Variants in KLF12 observed in about 807,000 individuals in gnomAD.
The protein encoded by KLF12 is KLF transcription factor 12, also known as Krueppel-like factor 12.
KLF12 carries 9 observed loss-of-function variants against 37.8 expected under a neutral mutation model. The ratio of observed to expected loss-of-function variants is 0.24; its 90% CI spans 0.14 to 0.42. The LOEUF is 0.42. KLF12 is among the 10% of genes least tolerant of loss of function. The pLI, the probability that KLF12 is intolerant of heterozygous loss-of-function variation, is 1.00. For synonymous variants in KLF12, 208 were observed against 202.1 expected, an observed-to-expected ratio of 1.03 and a Z score of -0.25; for missense variants, 411 against 516.0, an observed-to-expected ratio of 0.80 and a Z score of 1.97.
chr13:73,728,754 C>T (rs1876848447), intron 6 of KLF12, among the ~76,000 whole-genome samples: 1 of 152,168 alleles, frequency 6.6e-6, no homozygotes, highest in African/African-American at 2.4e-5. Flanking sequence ...TGGGGTAAGT[C>T]CCCCTTCTCA....
chr13:74,250,530 T>C, the KLF12 span, among the ~76,000 whole-genome samples: 2 of 152,000 alleles, frequency 1.3e-5, no homozygotes, highest in African/African-American at 4.8e-5. Context: ...GAGGGAATGC[T>C]GGAGGCAGCC....
chr13:73,939,682 C>A lies in KLF12; in HGVS notation c.123+4299G>T, dbSNP rs186884680. Among the ~76,000 whole-genome samples, 21 of 152,162 alleles carry A rather than the reference C, an allele frequency of 1.4e-4. No homozygotes were observed. In the East Asian group the frequency reaches 4.1e-3, roughly 29 times the overall value. ...AAAAGAACACTGACTCAGTACCCACCAAAGGCAGGCAGGCTCCTGTGAAGA... is the reference window on the plus strand; with the variant it reads ...AAAAGAACACTGACTCAGTACCCACAAAAGGCAGGCAGGCTCCTGTGAAGA... On this transcript the variant is annotated intron_variant, in intron 3 of 7. Transcript: ENST00000377669.
chr13:74,070,699 C>G (rs1467037093), intron 1 of KLF12, among the ~76,000 whole-genome samples: 2 of 152,184 alleles, frequency 1.3e-5, no homozygotes, highest in East Asian at 3.9e-4. Context: ...AGATACTAAT[C>G]TATGAGAGTG....
chr13:73,871,274 T>C (rs901782433), intron 3 of KLF12, among the ~76,000 whole-genome samples: 1 of 152,190 alleles, frequency 6.6e-6, no homozygotes, highest in Non-Finnish European at 1.5e-5. Context: ...TTCACAGCTA[T>C]GGTGGCGTGT....
chr13:74,258,775 T>C, the KLF12 span: 1 of 152,300 alleles, frequency 6.6e-6, no homozygotes, highest in African/African-American at 2.4e-5. Context: ...TCCTCAATTT[T>C]CTTAGTAACT....
intron 6 of KLF12, among the ~76,000 whole-genome samples, chr13:73,757,591 G>A (rs1879259664): frequency 6.6e-6 from 1 of 152,136 alleles, no homozygotes; most frequent in Admixed American, 6.5e-5. Flanking sequence ...CTAGAAAGAT[G>A]ACATTGCAAA....
chr13:73,789,389 C>T lies in KLF12; in HGVS notation c.806+23763G>A, dbSNP rs529576336. Among the ~76,000 whole-genome samples the T allele has an allele frequency of 2.4e-4, 36 of 152,136 alleles. No individual in the cohort carries two copies. In the South Asian group the frequency reaches 7.1e-3, roughly 30 times the overall value. Reference sequence around the variant, plus strand: ...TGGGACTTGTTGGGTGTCACAGTAGCGCTAGTCAGAGAGAAATAAGCACCA... The same window carrying T: ...TGGGACTTGTTGGGTGTCACAGTAGTGCTAGTCAGAGAGAAATAAGCACCA... On this transcript the variant is annotated intron_variant, in intron 5 of 7. Transcript: ENST00000377669.
intron 1 of KLF12, among the ~76,000 whole-genome samples, chr13:74,016,840 C>T (rs938496463): frequency 2.0e-5 from 3 of 152,188 alleles, no homozygotes; most frequent in Non-Finnish European, 4.4e-5. Context: ...ATTCACAGTG[C>T]AGATTCCCAA....
intron 6 of KLF12, among the ~76,000 whole-genome samples, chr13:73,763,063 T>C (rs1273961278): frequency 6.6e-6 from 1 of 152,194 alleles, no homozygotes; most frequent in Admixed American, 6.5e-5. Context: ...CAACTCTGCT[T>C]TTCTTACTAA....
chr13:73,723,178 T>G (rs1474899117), intron 6 of KLF12, among the ~76,000 whole-genome samples: 1 of 152,188 alleles, frequency 6.6e-6, no homozygotes, highest in Non-Finnish European at 1.5e-5. Context: ...GAAATTAGAC[T>G]ACAAGTTGAA....
chr13:74,151,514 G>A, the KLF12 span, among the ~76,000 whole-genome samples: 1 of 152,106 alleles, frequency 6.6e-6, no homozygotes, highest in African/African-American at 2.4e-5. Flanking sequence ...TTAGCTGGGT[G>A]TGGTGGTGCA....
At chr13:74,129,657 T>G (rs748568899) in intron 1 of KLF12, among the ~76,000 whole-genome samples, 1 of 144,360 alleles carries the variant, frequency 6.9e-6, no homozygotes, top group African/African-American at 2.6e-5. Context: ...ACCATGAGAG[T>G]AGCAACAAAA....
At chr13:74,114,425 T>A (rs1211899410) in intron 1 of KLF12, among the ~76,000 whole-genome samples, 1 of 152,164 alleles carries the variant, frequency 6.6e-6, no homozygotes, top group African/African-American at 2.4e-5. Flanking sequence ...ATAAACAAAA[T>A]TCTAGTGACT....
At chr13:74,135,027 G>A (rs1008625535), upstream of KLF12, among the ~76,000 whole-genome samples, 1 of 151,538 alleles carries the variant, frequency 6.6e-6, no homozygotes, top group Non-Finnish European at 1.5e-5. Context: ...TCAGGCAGGG[G>A]CAGCCCCGCG....
chr13:74,286,494 G>GA, the KLF12 span, among the ~76,000 whole-genome samples: 2 of 152,134 alleles, frequency 1.3e-5, no homozygotes, highest in African/African-American at 4.8e-5. Flanking sequence ...GTAATTGTTA[G>GA]AAAAAATTTT....
chr13:73,923,478 C>A (rs113709206), intron 3 of KLF12, among the ~76,000 whole-genome samples: 22 of 152,182 alleles, frequency 1.4e-4, no homozygotes, highest in African/African-American at 5.1e-4. Context: ...CTAAAAATTT[C>A]TCAGACGTCT....
chr13:73,721,511 T>C (rs1876253745), intron 6 of KLF12, among the ~76,000 whole-genome samples: 1 of 152,200 alleles, frequency 6.6e-6, no homozygotes, highest in South Asian at 2.1e-4. Flanking sequence ...TCAGTACACT[T>C]ACTATTAATC....
intron 6 of KLF12, among the ~76,000 whole-genome samples, chr13:73,759,340 G>T (rs1436069461): frequency 1.3e-5 from 2 of 152,122 alleles, no homozygotes; most frequent in African/African-American, 4.8e-5. Context: ...AAGTCAAGAA[G>T]CAAGGCAGTG....
At chr13:73,865,042 A>T (rs1886103718) in intron 3 of KLF12, among the ~76,000 whole-genome samples, 1 of 152,122 alleles carries the variant, frequency 6.6e-6, no homozygotes, top group South Asian at 2.1e-4. Context: ...AACAAATAAA[A>T]AATCAAGGCC....
Sources: allele counts gnomAD v4.1 joint callset (sites outside exome capture counted in the v4.1 genomes callset), GRCh38; gene constraint gnomAD v4.1.1; transcripts MANE v1.5; gene names NCBI Gene and HGNC (gene_info 2026-07-23, HGNC 2026-07-21).